Variants in LRATD1 observed in about 807,000 individuals in gnomAD.
LRATD1 encodes LRAT domain containing 1.
Under a neutral mutation model 21.3 loss-of-function variants are expected in LRATD1, and 8 were observed. The ratio of observed to expected loss-of-function variants is 0.38; its 90% confidence interval spans 0.22 to 0.68. The LOEUF is 0.68. Ranked by LOEUF, LRATD1 falls within the 30% of genes least tolerant of loss-of-function variation. LRATD1 has a pLI of 0.54. For missense variants in LRATD1, 380 were observed against 404.0 expected, an observed-to-expected ratio of 0.94 and a Z score of 0.51; for synonymous variants, 210 against 186.2, an observed-to-expected ratio of 1.13 and a Z score of -1.04.
chr2:14,642,164 GA>G (rs1391160562), downstream of LRATD1: 3 of 152,530 alleles, frequency 2.0e-5, no homozygotes, highest in Non-Finnish European at 4.4e-5. Flanking sequence ...ACTTATACGA[GA>G]TTCTCCTTAA....
intron 4 of LRATD1, among the ~76,000 whole-genome samples, chr2:14,647,083 A>C (rs571904114): frequency 6.6e-6 from 1 of 152,230 alleles, no homozygotes; most frequent in African/African-American, 2.4e-5. Flanking sequence ...GCCTTTTAAC[A>C]GGAGACTATG....
chr2:14,649,313 C>A (rs1479713627), intron 4 of LRATD1: 1 of 456,542 alleles, frequency 2.2e-6, no homozygotes, highest in Admixed American at 2.3e-5. Context: ...TTGTGCCTAG[C>A]AGAATTTTAG....
intron 2 of LRATD1, among the ~76,000 whole-genome samples, chr2:14,645,226 C>G (rs529631483): frequency 6.6e-6 from 1 of 152,180 alleles, no homozygotes; most frequent in Non-Finnish European, 1.5e-5. Flanking sequence ...CTAATAACTA[C>G]AGTAAATGTC....
Position 14,635,944 on chromosome 2 carries a change from G to A in LRATD1, c.*1086G>A, listed in dbSNP as rs1185073136. ...ATAAAGTTTTAAAAATGAGAGAGCAGTTTTCCAACTATGTCAACAAAGCCT... is the reference window on the plus strand; with the variant it reads ...ATAAAGTTTTAAAAATGAGAGAGCAATTTTCCAACTATGTCAACAAAGCCT... On this transcript the variant is annotated 3_prime_UTR_variant, in exon 2 of 2. Coordinates refer to ENST00000295092, the MANE Select transcript of LRATD1 (RefSeq NM_145175.4). 3.5e-6 allele frequency: 1 copy of A among 287,654 alleles called. No individual in the cohort carries two copies. Among genetic ancestry groups the A allele is most frequent in the Non-Finnish European group, 7.3e-6 (1 of 136,904 alleles). The allele number at this position is 287,654 out of a possible 1,614,324, so 17.8% of individuals were successfully genotyped here.
rs951185614 is a variant in LRATD1, at chr2:14,639,742, T to C, written c.*4884T>C. 16 of 167,154 alleles carry C rather than the reference T, an allele frequency of 9.6e-5. No individual in the cohort carries two copies. The highest frequency in any genetic ancestry group is 3.9e-4 in the African/African-American group (16 of 41,474). 10.4% of individuals were successfully genotyped at this position (167,154 alleles called of 1,614,324 possible). ...TGTGGACTTTTATCATTCTTTTTGA[T>C]GGCTGATAGTAGAAAGCACACAGTA... is the stretch of plus-strand genomic sequence containing the variant. On this transcript the variant is annotated 3_prime_UTR_variant, in exon 2 of 2. Coordinates refer to ENST00000295092, the MANE Select transcript of LRATD1 (RefSeq NM_145175.4).
chr2:14,633,677 G>C lies in LRATD1; in HGVS notation c.-36-267G>C. 7.7e-6 allele frequency: 3 copies of C among 388,672 alleles called. No homozygotes were observed. Among genetic ancestry groups the C allele is most frequent in the Non-Finnish European group, 9.4e-6 (2 of 213,682 alleles). The allele number at this position is 388,672 out of a possible 1,614,324, so 24.1% of individuals were successfully genotyped here. On this transcript the variant is annotated intron_variant, in intron 1 of 1. Transcript: ENST00000295092. This position sits in a 1 kb window ranked among gnomAD's most constrained non-coding sequence, Gnocchi z 7.5. ...CGGGACCCCGCAAGCTCTCCAGCCA[G>C]CCTGGGTGTTTTCTTCTGGGAGTTG... is the stretch of plus-strand genomic sequence containing the variant.
chr2:14,640,298 T>C (rs1671787015), downstream of LRATD1, among the ~76,000 whole-genome samples: 2 of 152,234 alleles, frequency 1.3e-5, no homozygotes, highest in Admixed American at 6.5e-5. Flanking sequence ...TGGTCATGGG[T>C]GTTTTTCTAA....
At chr2:14,643,894 G>T (rs532364569), downstream of LRATD1, among the ~76,000 whole-genome samples, 1 of 152,294 alleles carries the variant, frequency 6.6e-6, no homozygotes, top group South Asian at 2.1e-4. Context: ...TTTGAGGAAG[G>T]TGTCTTGGCA....
Position 14,636,041 on chromosome 2 carries a change from A to T in LRATD1, c.*1183A>T. 4.5e-6 allele frequency: 1 copy of T among 221,770 alleles called. No homozygotes were observed. Among genetic ancestry groups the T allele is most frequent in the Non-Finnish European group, 1.0e-5 (1 of 99,766 alleles). The allele number at this position is 221,770 out of a possible 1,614,324, so 13.7% of individuals were successfully genotyped here. ...ATTTCAAATTGAAATTTTTATTTTC[A>T]TGGCTTTAATCCATGATAGTTTAAA... is the stretch of plus-strand genomic sequence containing the variant. On this transcript the variant is annotated 3_prime_UTR_variant, in exon 2 of 2. Coordinates refer to ENST00000295092, the MANE Select transcript of LRATD1 (RefSeq NM_145175.4).
chr2:14,640,390 T>G (rs1671788552), downstream of LRATD1, among the ~76,000 whole-genome samples: 1 of 152,232 alleles, frequency 6.6e-6, no homozygotes, highest in South Asian at 2.1e-4. Context: ...GAACATGAGT[T>G]CTGAACTTTA....
intron 4 of LRATD1, among the ~76,000 whole-genome samples, chr2:14,646,939 A>G (rs1471000559): frequency 6.6e-6 from 1 of 152,206 alleles, no homozygotes; most frequent in Non-Finnish European, 1.5e-5. Flanking sequence ...GACCCAAATA[A>G]ATGAAACCCA....
At chr2:14,649,203 AG>A (rs916158377) in intron 4 of LRATD1, 1 of 445,170 alleles carries the variant, frequency 2.2e-6, no homozygotes, top group Admixed American at 2.4e-5. Flanking sequence ...GGGTTGGGGG[AG>A]GGGGGATGTG....
rs1671627951 is a variant in LRATD1, at chr2:14,634,305, G to A, written c.326G>A (p.Ser109Asn). 1 of 1,599,942 alleles carries A rather than the reference G, an allele frequency of 6.3e-7. No homozygotes were observed. The highest frequency in any genetic ancestry group is 8.5e-7 in the Non-Finnish European group (1 of 1,177,536). The change falls in exon 2 of 2, where the codon AGC becomes AAC. Residue 109 changes from serine to asparagine, a missense_variant. Ser to Asn is a conservative substitution (Grantham distance 46, BLOSUM62 1). Coordinates refer to ENST00000295092, the MANE Select transcript of LRATD1 (RefSeq NM_145175.4). ...GGTGGCCCTCAGGGCGCCGACCTAA[G>A]CGTCTACGCGGTCACCGCGCTGCCA... is the stretch of plus-strand genomic sequence containing the variant. ...VSGGPQGADLSVYAVTALPAL... is the reference protein window; with the variant it reads ...VSGGPQGADLNVYAVTALPAL...
Position 14,633,967 on chromosome 2 carries a change from C to G in LRATD1, c.-13C>G. On this transcript the variant is annotated 5_prime_UTR_variant, in exon 2 of 2. Coordinates refer to ENST00000295092, the MANE Select transcript of LRATD1 (RefSeq NM_145175.4). The surrounding 1 kb of genome is among the most constrained non-coding windows in gnomAD (Gnocchi z 7.5). ...AGATCCCCGCTCCTGGCCCTCGCCT[C>G]GCCACCTCATTGATGGGCAACCAAC... The G allele has an allele frequency of 6.2e-7, 1 of 1,603,676 alleles. No homozygotes were observed.
Position 14,634,909 on chromosome 2 carries a change from C to G in LRATD1, c.*51C>G. 1.3e-6 allele frequency: 2 copies of G among 1,558,106 alleles called. No individual in the cohort carries two copies. Among genetic ancestry groups the G allele is most frequent in the Non-Finnish European group, 1.7e-6 (2 of 1,150,574 alleles). Reference sequence around the variant, plus strand: ...GCCTCCCCCGCACCTCGCTCCCTTCCCTTCCCCGCACCCGGACTTCGCAGT... The same window carrying G: ...GCCTCCCCCGCACCTCGCTCCCTTCGCTTCCCCGCACCCGGACTTCGCAGT... On this transcript the variant is annotated 3_prime_UTR_variant, in exon 2 of 2. Coordinates refer to ENST00000295092, the MANE Select transcript of LRATD1 (RefSeq NM_145175.4).
At chr2:14,650,240 T>A (rs1182471745), downstream of LRATD1, 1 of 152,170 alleles carries the variant, frequency 6.6e-6, no homozygotes, top group African/African-American at 2.4e-5. Flanking sequence ...AAGCATCTAG[T>A]TGAACACTCT....
At position 14,639,441 on chromosome 2, in the gene LRATD1, C is replaced by A. The variant is rs1043146976; in HGVS notation, c.*4583C>A. Reference sequence around the variant, plus strand: ...CTAATAAACTTTTCAACAGGGGACACCTGTTCTCCCTTCTAACTGAAGACA... The same window carrying A: ...CTAATAAACTTTTCAACAGGGGACAACTGTTCTCCCTTCTAACTGAAGACA... On this transcript the variant is annotated 3_prime_UTR_variant, in exon 2 of 2. Coordinates refer to ENST00000295092, the MANE Select transcript of LRATD1 (RefSeq NM_145175.4). The A allele has an allele frequency of 1.8e-5, 3 of 166,764 alleles. No individual in the cohort carries two copies. Among genetic ancestry groups the A allele is most frequent in the African/African-American group, 7.2e-5 (3 of 41,440 alleles). 10.3% of individuals were successfully genotyped at this position (166,764 alleles called of 1,614,324 possible).
Position 14,639,705 on chromosome 2 carries a change from A to G in LRATD1, c.*4847A>G, listed in dbSNP as rs2196267. ...TTTTTGGCAGAACACTCAGATGAAC[A>G]GATTCCTATGCTGTGGACTTTTATC... On this transcript the variant is annotated 3_prime_UTR_variant, in exon 2 of 2. Coordinates refer to ENST00000295092, the MANE Select transcript of LRATD1 (RefSeq NM_145175.4). The G allele has an allele frequency of 0.48, 80,677 of 166,996 alleles. 22,535 individuals carry two copies. The highest frequency in any genetic ancestry group is 0.8 in the African/African-American group (33,342 of 41,534). 10.3% of individuals were successfully genotyped at this position (166,996 alleles called of 1,614,324 possible).
At chr2:14,649,499 A>C (rs904303730) in intron 5 of LRATD1, 3 of 390,164 alleles carry the variant, frequency 7.7e-6, no homozygotes, top group Non-Finnish European at 1.5e-5. Context: ...TGCCGGGTGA[A>C]ATATCAGGAG....
Sources: gnomAD v4.1 joint callset for allele counts (sites outside exome capture counted in the v4.1 genomes callset) on GRCh38, gnomAD v4.1.1 for gene constraint, Gnocchi (gnomAD v3.1) non-coding constraint, MANE v1.5 for transcripts, NCBI Gene and HGNC (gene_info 2026-07-23, HGNC 2026-07-21) for gene names.